The following PIWIL4 variants were observed in gnomAD, a reference collection of about 807,000 sequenced individuals.
The protein encoded by PIWIL4 is piwi like RNA-mediated gene silencing 4.
A neutral mutation model predicts 100.9 loss-of-function variants in PIWIL4; 50 were observed. That is an observed-to-expected ratio of 0.50 (90% confidence interval 0.39 to 0.63). PIWIL4 has a LOEUF of 0.63. Ranked by LOEUF, PIWIL4 falls within the 20% of genes least tolerant of loss-of-function variation. The pLI, the probability that PIWIL4 is intolerant of heterozygous loss-of-function variation, is 0.00. For missense variants in PIWIL4, 887 were observed against 1,043.3 expected (o/e 0.85, Z 2.06); for synonymous variants, 342 against 367.5 (o/e 0.93, Z 0.79).
intron 15 of PIWIL4, among the ~76,000 whole-genome samples, chr11:94,610,724 A>G (rs1447391276): frequency 1.3e-5 from 2 of 152,108 alleles, no homozygotes; most frequent in Non-Finnish European, 2.9e-5. Context: ...TCATCCCCGT[A>G]TCAGATATGT....
At chr11:94,568,423 T>A (rs1333200876) in intron 1 of PIWIL4, among the ~76,000 whole-genome samples, 1 of 152,210 alleles carries the variant, frequency 6.6e-6, no homozygotes, top group Non-Finnish European at 1.5e-5. Flanking sequence ...CATGTGCATC[T>A]GTGCCGCATG....
At chr11:94,590,515 C>T (rs547489187) in intron 8 of PIWIL4, among the ~76,000 whole-genome samples, 2 of 152,260 alleles carry the variant, frequency 1.3e-5, no homozygotes, top group Non-Finnish European at 2.9e-5. Context: ...GTGCTTTTGC[C>T]TAGCCCTCAT....
At chr11:94,578,466 AT>A (rs1948270839) in intron 4 of PIWIL4, among the ~76,000 whole-genome samples, 1 of 152,006 alleles carries the variant, frequency 6.6e-6, no homozygotes, top group Non-Finnish European at 1.5e-5. Flanking sequence ...AACAAGATGA[AT>A]TTTTTTTCCT....
intron 11 of PIWIL4, among the ~76,000 whole-genome samples, chr11:94,599,417 G>A (rs1948605127): frequency 6.6e-6 from 1 of 152,134 alleles, no homozygotes; most frequent in Non-Finnish European, 1.5e-5. Context: ...CTGAAATTAG[G>A]TCCTAGGAAC....
intron 19 of PIWIL4, 81 bp downstream of exon 19, chr11:94,620,225 T>G: frequency 7.2e-7 from 1 of 1,389,892 alleles, no homozygotes; most frequent in East Asian, 2.3e-5. Context: ...CATCTTTGTA[T>G]CCCTAGATAT....
intron 4 of PIWIL4, among the ~76,000 whole-genome samples, chr11:94,580,965 C>T (rs1216035881): frequency 1.5e-5 from 2 of 130,952 alleles, no homozygotes; most frequent in Admixed American, 1.9e-4. Context: ...ATGGCATGAT[C>T]TTGATTCACT....
chr11:94,589,248 A>G lies in PIWIL4; in HGVS notation c.1026+16A>G, dbSNP rs1948446976. On this transcript the variant is annotated intron_variant, in intron 8 of 19. Coordinates refer to ENST00000299001, the MANE Select transcript of PIWIL4 (RefSeq NM_152431.3). ...CTACAAGCAGGTAGGACTTTTCTTC[A>G]TGCATCTCTATCTCCTTTTCTTTTA... 3 of 1,540,858 alleles carry G rather than the reference A, an allele frequency of 1.9e-6. No homozygotes were observed. The highest frequency in any genetic ancestry group is 4.5e-5 in the East Asian group (2 of 44,404).
chr11:94,592,140 C>G (rs1010197070), intron 8 of PIWIL4, among the ~76,000 whole-genome samples: 2 of 152,194 alleles, frequency 1.3e-5, no homozygotes, highest in African/African-American at 4.8e-5. Flanking sequence ...CCCACCCCTC[C>G]CACTCCAGCC....
chr11:94,607,362 GA>G, intron 13 of PIWIL4, 76 bp from the exon 14 acceptor site: 1 of 1,289,222 alleles, frequency 7.8e-7, no homozygotes, highest in Admixed American at 1.9e-5. Context: ...AATAATTCAT[GA>G]ATTCATTTCT....
At position 94,597,801 on chromosome 11, in the gene PIWIL4, C is replaced by A; in HGVS notation, c.1269-3C>A. The stretch of plus-strand genomic sequence containing the variant: ...TAATGATTTAAAACAACTTTATCAA[C>A]AGGAATACCAATGCTCGCTTTGAAC... On this transcript the variant is annotated splice_region_variant and splice_polypyrimidine_tract_variant and intron_variant, in intron 10 of 19. Coordinates refer to ENST00000299001, the MANE Select transcript of PIWIL4 (RefSeq NM_152431.3). 2 of 1,602,404 alleles carry A rather than the reference C, an allele frequency of 1.2e-6. No individual in the cohort carries two copies. Among genetic ancestry groups the A allele is most frequent in the Non-Finnish European group, 8.5e-7 (1 of 1,170,292 alleles).
chr11:94,619,840 C>A lies in PIWIL4; in HGVS notation c.2249C>A (p.Pro750His). 5 of 1,614,182 alleles carry A rather than the reference C, an allele frequency of 3.1e-6. No homozygotes were observed. Among genetic ancestry groups the A allele is most frequent in the Non-Finnish European group, 2.5e-6 (3 of 1,180,022 alleles). Residue 750 changes from proline (P) to histidine (H), a missense_variant, in exon 18 of 20, where the codon CCC becomes CAC. By Grantham distance (77) the Pro-to-His change is moderately conservative. Around this residue, in one of 2 missense-constraint regions of PIWIL4, gnomAD observed 741 missense variants for 930.0 expected, o/e 0.80. Transcript: ENST00000299001. ...FTEMNRTVQN[P>H]PLGTVVDSEA... ...GAAATGAACCGCACTGTACAGAACC[C>A]CCCACTTGGCACTGTTGTGGATTCA...
intron 3 of PIWIL4, 79 bp from the exon 4 acceptor site, chr11:94,577,199 A>G: frequency 1.7e-6 from 2 of 1,193,324 alleles, no homozygotes; most frequent in South Asian, 1.4e-5. Flanking sequence ...ATAGGCAAAT[A>G]CATTTTTAAA....
chr11:94,593,079 T>C (rs1321658743), intron 8 of PIWIL4, among the ~76,000 whole-genome samples: 1 of 152,212 alleles, frequency 6.6e-6, no homozygotes, highest in Non-Finnish European at 1.5e-5. Context: ...AATCTGAGAT[T>C]GTCTCAATAT....
intron 13 of PIWIL4, among the ~76,000 whole-genome samples, chr11:94,606,464 C>A (rs749733994): frequency 3.3e-5 from 5 of 152,032 alleles, no homozygotes; most frequent in Admixed American, 6.6e-5. Context: ...AATTTGGGGG[C>A]TTTTGAAAGT....
At chr11:94,619,662 TG>T (rs1438723007) in intron 17 of PIWIL4, 97 bp from the exon 18 acceptor site, 1 of 1,332,590 alleles carries the variant, frequency 7.5e-7, no homozygotes, top group East Asian at 2.5e-5. Context: ...GTTTTTCAAA[TG>T]GAATTTTTAT....
chr11:94,600,480 G>A (rs556792944), intron 11 of PIWIL4, among the ~76,000 whole-genome samples: 11 of 152,236 alleles, frequency 7.2e-5, no homozygotes, highest in Admixed American at 3.3e-4. Flanking sequence ...GGGAGTGTAC[G>A]AATAGGGTGT....
At chr11:94,598,653 T>C (rs1343812231) in intron 11 of PIWIL4, among the ~76,000 whole-genome samples, 3 of 151,712 alleles carry the variant, frequency 2.0e-5, no homozygotes, top group African/African-American at 4.8e-5. Context: ...CTAACTGATA[T>C]AATTGAACAA....
intron 8 of PIWIL4, among the ~76,000 whole-genome samples, chr11:94,589,474 G>A (rs528473896): frequency 9.2e-5 from 14 of 152,006 alleles, no homozygotes; most frequent in Admixed American, 3.9e-4. Flanking sequence ...CACACTGCTC[G>A]CAACGCTAAT....
intron 8 of PIWIL4, among the ~76,000 whole-genome samples, chr11:94,589,818 C>G (rs1030149829): frequency 1.3e-5 from 2 of 152,188 alleles, no homozygotes; most frequent in Non-Finnish European, 2.9e-5. Flanking sequence ...TCATCACAGG[C>G]ACCACACGAA....
Sources: allele counts gnomAD v4.1 joint callset (sites outside exome capture counted in the v4.1 genomes callset), GRCh38; gene constraint gnomAD v4.1.1; regional missense constraint gnomAD v4.1.1; transcripts MANE v1.5; gene names NCBI Gene and HGNC (gene_info 2026-07-23, HGNC 2026-07-21).